SPECC1: variants seen among roughly 807,000 people sequenced by gnomAD.
SPECC1 encodes sperm antigen with calponin homology and coiled-coil domains 1.
SPECC1 carries 62 observed loss-of-function variants against 104.1 expected under a neutral mutation model. The observed-to-expected ratio is 0.60, with a 90% CI of 0.49 to 0.74. The LOEUF (loss-of-function observed/expected upper bound fraction) is 0.74. Ranked by LOEUF, SPECC1 falls within the 30% of genes least tolerant of loss-of-function variation. The pLI, the probability that SPECC1 is intolerant of heterozygous loss-of-function variation, is 0.00. For missense variants in SPECC1, 1,306 were observed against 1,310.5 expected, an observed-to-expected ratio of 1.00 and a Z score of 0.05; for synonymous variants, 513 against 501.6, an observed-to-expected ratio of 1.02 and a Z score of -0.30.
chr17:20,029,762 A>T (rs1209249395), intron 1 of SPECC1, among the ~76,000 whole-genome samples: 1 of 151,764 alleles, frequency 6.6e-6, no homozygotes, highest in Admixed American at 6.6e-5. Flanking sequence ...CCCCTCTTTT[A>T]TTTCTGATTC....
chr17:20,198,828 T>C (rs2036210878), intron 3 of SPECC1, among the ~76,000 whole-genome samples: 1 of 152,212 alleles, frequency 6.6e-6, no homozygotes, highest in Non-Finnish European at 1.5e-5. Context: ...CTGCTTTCTC[T>C]TCCTCTTTGG....
At chr17:20,051,073 T>C (rs891007511) in intron 1 of SPECC1, among the ~76,000 whole-genome samples, 1 of 31,318 alleles carries the variant, frequency 3.2e-5, no homozygotes, top group Non-Finnish European at 7.4e-5. Context: ...TTTCTTTTTC[T>C]TTCTTTCTTT....
chr17:20,236,231 C>A (rs2038903286), intron 7 of SPECC1, among the ~76,000 whole-genome samples: 1 of 152,168 alleles, frequency 6.6e-6, no homozygotes. Flanking sequence ...GCATGATGGA[C>A]AGGGGTCTCC....
chr17:20,207,128 A>T (rs1186878817), intron 4 of SPECC1, among the ~76,000 whole-genome samples: 1 of 152,136 alleles, frequency 6.6e-6, no homozygotes, highest in Non-Finnish European at 1.5e-5. Flanking sequence ...CTGGCAAGAG[A>T]GATTCAAAAC....
chr17:20,176,408 C>T (rs1053788966), intron 3 of SPECC1, among the ~76,000 whole-genome samples: 2 of 152,182 alleles, frequency 1.3e-5, no homozygotes, highest in Admixed American at 6.5e-5. Flanking sequence ...TCCCTACTTC[C>T]GTGTCCCTCT....
chr17:20,224,519 G>T (rs2038092186), intron 4 of SPECC1, among the ~76,000 whole-genome samples: 1 of 152,084 alleles, frequency 6.6e-6, no homozygotes, highest in East Asian at 1.9e-4. Flanking sequence ...AGTCTGCTTG[G>T]TTCTTTATTT....
intron 1 of SPECC1, among the ~76,000 whole-genome samples, chr17:20,089,943 T>A (rs542046646): frequency 6.6e-6 from 1 of 152,274 alleles, no homozygotes; most frequent in African/African-American, 2.4e-5. Flanking sequence ...GGGCTGAAGC[T>A]GGTTATTCAG....
At chr17:20,144,542 A>G (rs570298910) in intron 3 of SPECC1, among the ~76,000 whole-genome samples, 1 of 152,260 alleles carries the variant, frequency 6.6e-6, no homozygotes, top group African/African-American at 2.4e-5. Flanking sequence ...GGTCTAGGGA[A>G]ACATGAGACA....
intron 10 of SPECC1, among the ~76,000 whole-genome samples, chr17:20,255,978 C>T (rs1265693141): frequency 6.6e-6 from 1 of 152,028 alleles, no homozygotes; most frequent in Non-Finnish European, 1.5e-5. Context: ...CCCAGGTTCA[C>T]ACCATTCTCC....
At chr17:20,294,363 C>G (rs1196839734) in intron 12 of SPECC1, among the ~76,000 whole-genome samples, 2 of 152,208 alleles carry the variant, frequency 1.3e-5, no homozygotes, top group Non-Finnish European at 2.9e-5. Context: ...GAGCTTCTTT[C>G]TCCCCATGCA....
chr17:20,269,539 C>T (rs2040328763), intron 12 of SPECC1, among the ~76,000 whole-genome samples: 1 of 152,242 alleles, frequency 6.6e-6, no homozygotes, highest in Non-Finnish European at 1.5e-5. Flanking sequence ...TCTCCTGCCT[C>T]AGTCTCCCGA....
At chr17:20,010,650 C>G (rs1354865776) in intron 1 of SPECC1, among the ~76,000 whole-genome samples, 2 of 152,202 alleles carry the variant, frequency 1.3e-5, no homozygotes, top group African/African-American at 2.4e-5. Flanking sequence ...TTGCCTCTTC[C>G]AAGTAGGTGA....
intron 1 of SPECC1, among the ~76,000 whole-genome samples, chr17:20,022,093 C>CACT (rs1045581393): frequency 2.6e-5 from 4 of 151,602 alleles, no homozygotes; most frequent in African/African-American, 4.8e-5. Flanking sequence ...TGGTGCCCAC[C>CACT]ACTACGCCTG....
At chr17:20,070,808 C>T (rs1233832422) in intron 1 of SPECC1, among the ~76,000 whole-genome samples, 2 of 150,274 alleles carry the variant, frequency 1.3e-5, no homozygotes, top group African/African-American at 4.9e-5. Context: ...TTGACATTTT[C>T]AAGTTGTTTA....
Position 20,199,239 on chromosome 17 carries a change from G to T in SPECC1, c.284-5094G>T, listed in dbSNP as rs183232105. 1.3e-4 allele frequency among the ~76,000 whole-genome samples: 19 copies of T among 151,442 alleles called. No individual in the cohort carries two copies. In the East Asian group the frequency reaches 3.5e-3, roughly 28 times the overall value. On this transcript the variant is annotated intron_variant, in intron 3 of 14. Transcript: ENST00000395527. The stretch of plus-strand genomic sequence containing the variant: ...GTAGCTGGAGTTACAGGCATGTGCT[G>T]TGGCGCCCAGCTAATTTTTGTATTT...
chr17:20,185,552 G>A (rs2035210626), intron 3 of SPECC1, among the ~76,000 whole-genome samples: 1 of 152,206 alleles, frequency 6.6e-6, no homozygotes, highest in Admixed American at 6.5e-5. Flanking sequence ...GCCTAGCCAA[G>A]CTCTTCCCAA....
chr17:20,169,624 G>C (rs1187132685), intron 3 of SPECC1, among the ~76,000 whole-genome samples: 1 of 151,892 alleles, frequency 6.6e-6, no homozygotes, highest in Admixed American at 6.6e-5. Flanking sequence ...TGCATGGTTA[G>C]TTCTAAAGTT....
chr17:20,141,321 C>T (rs567422061), intron 3 of SPECC1, among the ~76,000 whole-genome samples: 4 of 152,166 alleles, frequency 2.6e-5, no homozygotes, highest in African/African-American at 4.8e-5. Context: ...TGGACCTGCT[C>T]GCTGCTCATT....
intron 1 of SPECC1, among the ~76,000 whole-genome samples, chr17:20,092,552 T>C (rs968586082): frequency 1.3e-5 from 2 of 152,188 alleles, no homozygotes; most frequent in African/African-American, 2.4e-5. Context: ...CTTCTCTGTG[T>C]AGAAGAGTGT....
Sources: gnomAD v4.1 joint callset for allele counts (sites outside exome capture counted in the v4.1 genomes callset) on GRCh38, gnomAD v4.1.1 for gene constraint, MANE v1.5 for transcripts, NCBI Gene and HGNC (gene_info 2026-07-23, HGNC 2026-07-21) for gene names.